The following TTC38 variants were observed in gnomAD, a reference collection of about 807,000 sequenced individuals.
The protein encoded by TTC38 is tetratricopeptide repeat domain 38.
In TTC38, 64 loss-of-function variants were observed where a neutral mutation model predicts 64.2. The observed-to-expected ratio is 1.00, with a 90% CI of 0.81 to 1.23. The LOEUF is 1.23. Among genes scored for constraint, TTC38 ranks in the 50% most tolerant of loss-of-function variants. TTC38 has a pLI of 0.00. For synonymous variants in TTC38, 254 were observed against 249.3 expected (o/e 1.02, Z -0.18); for missense variants, 573 against 615.5 (o/e 0.93, Z 0.73).
In TTC38 at chr22:46,292,833, C is replaced by T. The variant is rs764258659; in HGVS notation, c.1359C>T (p.Pro453=). The T allele has an allele frequency of 1.1e-5, 17 of 1,613,978 alleles. No individual in the cohort carries two copies. The African/African-American group carries it at 1.6e-4, about 15-fold the overall frequency. The change falls in exon 14 of 14, where the codon CCC becomes CCT. Residue 453 remains proline (P), a synonymous_variant. Coordinates refer to ENST00000381031, the MANE Select transcript of TTC38 (RefSeq NM_017931.4). This position sits in a 1 kb window ranked among gnomAD's most constrained non-coding sequence, Gnocchi z 6.5. ...GTGATGCCTTGAAGCCCAACTCGCCCCTGACCGAGCGGCTCATCCGCAAGG... is the reference window on the plus strand; with the variant it reads ...GTGATGCCTTGAAGCCCAACTCGCCTCTGACCGAGCGGCTCATCCGCAAGG... ...MERDALKPNS[P]LTERLIRKAA...
In TTC38 at chr22:46,291,381, G is replaced by C. The variant is rs1057291319; in HGVS notation, c.1317-1410G>C. On this transcript the variant is annotated intron_variant, in intron 13 of 13. Coordinates refer to ENST00000381031, the MANE Select transcript of TTC38 (RefSeq NM_017931.4). This position sits in a 1 kb window ranked among gnomAD's most constrained non-coding sequence, Gnocchi z 4.6. The stretch of plus-strand genomic sequence containing the variant: ...GATGTGGCCTTCTGCGGGGCCCAGT[G>C]GGGGAGGGCAGGGGGAGAGCAGGCT... Among the ~76,000 whole-genome samples, 15 of 152,116 alleles carry C rather than the reference G, an allele frequency of 9.9e-5. No homozygotes were observed. Among genetic ancestry groups the C allele is most frequent in the African/African-American group, 2.2e-4 (9 of 41,420 alleles).
At position 46,287,267 on chromosome 22, in the gene TTC38, G is replaced by T. The variant is rs373651591; in HGVS notation, c.916+113G>T. On this transcript the variant is annotated intron_variant, in intron 10 of 13. Coordinates refer to ENST00000381031, the MANE Select transcript of TTC38 (RefSeq NM_017931.4). ...AAGAGCTCATGGGTGAGCCGCTCCA[G>T]ACCCCTCTGCAGGCCTGGCCACTGC... The T allele has an allele frequency of 1.3e-4, 117 of 902,138 alleles. No homozygotes were observed. In the East Asian group the frequency reaches 2.2e-3, roughly 17 times the overall value. The allele number at this position is 902,138 out of a possible 1,614,324, so 55.9% of individuals were successfully genotyped here.
chr22:46,271,926 A>G lies in TTC38; in HGVS notation c.112-409A>G, dbSNP rs185778879. On this transcript the variant is annotated intron_variant, in intron 2 of 13. Transcript: ENST00000381031. The surrounding 1 kb of genome is among the most constrained non-coding windows in gnomAD (Gnocchi z 5.5). The stretch of plus-strand genomic sequence containing the variant: ...TATGAAGAAAGTTATCAGCCAGGTT[A>G]TGCCTTCTTTGGGTTAGAGTCCAGA... Among the ~76,000 whole-genome samples, 24 of 152,370 alleles carry G rather than the reference A, an allele frequency of 1.6e-4. No individual in the cohort carries two copies. The highest frequency in any genetic ancestry group is 1.6e-3 in the Admixed American group (24 of 15,312).
chr22:46,293,798 GTGC>G lies in TTC38; in HGVS notation c.*919_*921del, dbSNP rs1483895404. 1.3e-5 allele frequency: 2 copies of G among 152,386 alleles called. No individual in the cohort carries two copies. Among genetic ancestry groups the G allele is most frequent in the Admixed American group, 6.5e-5 (1 of 15,280 alleles). 9.4% of individuals were successfully genotyped at this position (152,386 alleles called of 1,614,324 possible). A position where few individuals can be genotyped will look rare whatever the true frequency, so the allele number is the denominator to read the frequency against. On this transcript the variant is annotated 3_prime_UTR_variant, in exon 14 of 14. Coordinates refer to ENST00000381031, the MANE Select transcript of TTC38 (RefSeq NM_017931.4). This position sits in a 1 kb window ranked among gnomAD's most constrained non-coding sequence, Gnocchi z 6.6. Reference sequence around the variant, plus strand: ...TGCTGAATGTGCCGCTGACTCAGCTGTGCTGCTTTCAGCCCTCCTGTGAGGGGC... The same window carrying G: ...TGCTGAATGTGCCGCTGACTCAGCTGTGCTTTCAGCCCTCCTGTGAGGGGC...
chr22:46,281,722 T>C lies in TTC38; in HGVS notation c.735+4T>C, dbSNP rs779446009. ...GCACTCAGAGACCTTCTGGAAGGTA[T>C]GATGCTTGTCAATGGGTCACCTCCC... On this transcript the variant is annotated splice_donor_region_variant and intron_variant, in intron 7 of 13. Transcript: ENST00000381031. This position sits in a 1 kb window ranked among gnomAD's most constrained non-coding sequence, Gnocchi z 5.2. 277 of 1,613,622 alleles carry C rather than the reference T, an allele frequency of 1.7e-4. No individual in the cohort carries two copies. The highest frequency in any genetic ancestry group is 2.3e-4 in the Non-Finnish European group (267 of 1,180,028).
chr22:46,279,367 G>C (rs2077516773), intron 6 of TTC38, among the ~76,000 whole-genome samples: 1 of 152,186 alleles, frequency 6.6e-6, no homozygotes, highest in Admixed American at 6.5e-5. Flanking sequence ...ATGTGTGTCT[G>C]CTTGCATCCA....
In TTC38 at chr22:46,288,486, A is replaced by G. The variant is rs758045852; in HGVS notation, c.980A>G (p.His327Arg). 11 of 1,613,848 alleles carry G rather than the reference A, an allele frequency of 6.8e-6. No individual in the cohort carries two copies. The highest frequency in any genetic ancestry group is 8.5e-6 in the Non-Finnish European group (10 of 1,179,902). The change falls in exon 11 of 14, where the codon CAC becomes CGC. Residue 327 changes from histidine to arginine, a missense_variant. Physicochemically the swap from His to Arg is conservative, Grantham distance 29 (BLOSUM62 0). Around this residue, in one of 3 missense-constraint regions of TTC38, gnomAD observed 371 missense variants for 381.8 expected, o/e 0.97. Coordinates refer to ENST00000381031, the MANE Select transcript of TTC38 (RefSeq NM_017931.4). ...GTGGCCCGGAAGCACAGCCGAGACC[A>G]CATCCTGCTGTTCAATGACGCACAC... is the stretch of plus-strand genomic sequence containing the variant. ...LPVARKHSRD[H>R]ILLFNDAHFL...
At position 46,287,139 on chromosome 22, in the gene TTC38, C is replaced by G; in HGVS notation, c.901C>G (p.Arg301Gly). 1 of 1,603,134 alleles carries G rather than the reference C, an allele frequency of 6.2e-7. No homozygotes were observed. Among genetic ancestry groups the G allele is most frequent in the Non-Finnish European group, 8.5e-7 (1 of 1,174,338 alleles). ...GGTGGACAGCTGCTCCATGCTCTAC[C>G]GCCTGCAGATGGAAGGTAGCCATCC... is the stretch of plus-strand genomic sequence containing the variant. ...DVVDSCSMLY[R>G]LQMEGVSVGQ... The change falls in exon 10 of 14, where the codon CGC becomes GGC. Residue 301 changes from arginine to glycine, a missense_variant. Physicochemically the swap from Arg to Gly is moderately radical, Grantham distance 125. Coordinates refer to ENST00000381031, the MANE Select transcript of TTC38 (RefSeq NM_017931.4).
chr22:46,274,662 G>A lies in TTC38; in HGVS notation c.366-586G>A, dbSNP rs944061333. Among the ~76,000 whole-genome samples the A allele has an allele frequency of 3.9e-5, 6 of 152,130 alleles. No homozygotes were observed. Among genetic ancestry groups the A allele is most frequent in the Non-Finnish European group, 7.3e-5 (5 of 68,028 alleles). On this transcript the variant is annotated intron_variant, in intron 4 of 13. Transcript: ENST00000381031. This position sits in a 1 kb window ranked among gnomAD's most constrained non-coding sequence, Gnocchi z 4.8. The stretch of plus-strand genomic sequence containing the variant: ...TCCTGGTAAGTCAGCCCAGGTGTGG[G>A]TTCCACCTCAGAGACTTCCTGTGGC...
chr22:46,272,456 C>T lies in TTC38; in HGVS notation c.193+40C>T, dbSNP rs1444615884. Reference sequence around the variant, plus strand: ...CCCTGGGTGGAGGAGCCCCGCTTCACACATCCAGCCCCTCTCTTTCCTTTA... The same window carrying T: ...CCCTGGGTGGAGGAGCCCCGCTTCATACATCCAGCCCCTCTCTTTCCTTTA... On this transcript the variant is annotated intron_variant, in intron 3 of 13. Coordinates refer to ENST00000381031, the MANE Select transcript of TTC38 (RefSeq NM_017931.4). This position sits in a 1 kb window ranked among gnomAD's most constrained non-coding sequence, Gnocchi z 6.4. The T allele has an allele frequency of 1.3e-6, 2 of 1,505,760 alleles. No homozygotes were observed. Among genetic ancestry groups the T allele is most frequent in the East Asian group, 2.3e-5 (1 of 44,314 alleles). The allele number at this position is 1,505,760 out of a possible 1,614,324, so 93.3% of individuals were successfully genotyped here. A position where few individuals can be genotyped will look rare whatever the true frequency, so the allele number is the denominator to read the frequency against.
At position 46,268,039 on chromosome 22, in the gene TTC38, C is replaced by T. The variant is rs1439791374; in HGVS notation, c.-1C>T. ...CGCGGTGGACTCCGACCCGGCGCAA[C>T]ATGGCCGCAGCCTCGCCTCTGCGCG... On this transcript the variant is annotated 5_prime_UTR_variant, in exon 1 of 14. Coordinates refer to ENST00000381031, the MANE Select transcript of TTC38 (RefSeq NM_017931.4). The T allele has an allele frequency of 1.3e-6, 2 of 1,541,528 alleles. No homozygotes were observed. Among genetic ancestry groups the T allele is most frequent in the Non-Finnish European group, 1.7e-6 (2 of 1,150,270 alleles).
At chr22:46,279,112 C>T (rs2077514912) in intron 6 of TTC38, among the ~76,000 whole-genome samples, 1 of 152,222 alleles carries the variant, frequency 6.6e-6, no homozygotes, top group Admixed American at 6.5e-5. Context: ...ACTCACGGCA[C>T]CAGAGGTTCA....
chr22:46,281,498 C>T lies in TTC38; in HGVS notation c.616-101C>T. ...GCCCCCCCACTTGCTCCACCCCGTT[C>T]AGCCCAGGCCCCTCTTGCCCCTTAG... On this transcript the variant is annotated intron_variant, in intron 6 of 13. Transcript: ENST00000381031. This position sits in a 1 kb window ranked among gnomAD's most constrained non-coding sequence, Gnocchi z 5.2. 3.2e-6 allele frequency: 4 copies of T among 1,244,132 alleles called. No homozygotes were observed. Among genetic ancestry groups the T allele is most frequent in the Admixed American group, 1.9e-5 (1 of 52,252 alleles). 77.1% of individuals were successfully genotyped at this position (1,244,132 alleles called of 1,614,324 possible).
intron 6 of TTC38, among the ~76,000 whole-genome samples, chr22:46,280,660 C>T (rs1487247101): frequency 1.3e-5 from 2 of 152,216 alleles, no homozygotes; most frequent in Non-Finnish European, 2.9e-5. Context: ...GCTGGGCCCA[C>T]AAAAGCTGAG....
intron 6 of TTC38, chr22:46,280,084 C>T (rs1314748372): frequency 2.1e-6 from 1 of 470,340 alleles, no homozygotes; most frequent in South Asian, 1.6e-5. Context: ...AACTCTTTGT[C>T]TTCAACACCA....
chr22:46,280,273 A>C (rs905751929), intron 6 of TTC38: 2 of 460,632 alleles, frequency 4.3e-6, no homozygotes, highest in South Asian at 3.2e-5. Context: ...GCTCCATCCA[A>C]GTGGCTCAAT....
chr22:46,286,939 A>C (rs2077575626), intron 9 of TTC38, 134 bp from the exon 10 acceptor site: 1 of 626,086 alleles, frequency 1.6e-6, no homozygotes, highest in Non-Finnish European at 2.8e-6. Context: ...CTGTCAGTTG[A>C]GGTGATGGGG....
rs531147527 is a variant in TTC38 at position 46,276,738 on chromosome 22, T to A, written c.539+1317T>A. ...ATTAAAAATATATATATTAAAAAAA[T>A]ATATATAAAATACATATATTAAAAA... On this transcript the variant is annotated intron_variant, in intron 5 of 13. Coordinates refer to ENST00000381031, the MANE Select transcript of TTC38 (RefSeq NM_017931.4). This position sits in a 1 kb window ranked among gnomAD's most constrained non-coding sequence, Gnocchi z 4.7. Among the ~76,000 whole-genome samples the A allele has an allele frequency of 5.7e-3, 733 of 129,640 alleles. 4 individuals are homozygous for A. Among genetic ancestry groups the A allele is most frequent in the Non-Finnish European group, 7.4e-3 (484 of 65,000 alleles). The allele number at this position is 129,640 out of a possible 152,430, so 85.0% of individuals were successfully genotyped here. A position where few individuals can be genotyped will look rare whatever the true frequency, so the allele number is the denominator to read the frequency against.
chr22:46,287,850 T>A (rs1695868824), intron 10 of TTC38, among the ~76,000 whole-genome samples: 1 of 152,230 alleles, frequency 6.6e-6, no homozygotes, highest in Non-Finnish European at 1.5e-5. Flanking sequence ...TGGGGCTTGC[T>A]GGGCAGAGAC....
Sources: gnomAD v4.1 joint callset for allele counts (sites outside exome capture counted in the v4.1 genomes callset) on GRCh38, gnomAD v4.1.1 for gene constraint, gnomAD v4.1.1 regional missense constraint, Gnocchi (gnomAD v3.1) non-coding constraint, MANE v1.5 for transcripts, NCBI Gene and HGNC (gene_info 2026-07-23, HGNC 2026-07-21) for gene names.